Variants in HNRNPU observed in about 807,000 individuals in gnomAD.
HNRNPU encodes the protein HNRNPU antisense RNA 1.
In HNRNPU, 5 loss-of-function variants were observed where a neutral mutation model predicts 94.7. The ratio of observed to expected loss-of-function variants is 0.05; its 90% CI spans 0.03 to 0.11. HNRNPU has a LOEUF of 0.11. HNRNPU is among the 10% of genes least tolerant of loss of function. The probability of loss-of-function intolerance (pLI) is 1.00; values close to 1 mark genes in which losing one functional copy is unlikely to be tolerated. For synonymous variants in HNRNPU, 434 were observed against 381.6 expected (o/e 1.14, Z -1.60); for missense variants, 710 against 1,049.2 (o/e 0.68, Z 4.47).
chr1:244,854,819 G>A, intron 13 of HNRNPU, 154 bp downstream of exon 13: 1 of 585,870 alleles, frequency 1.7e-6, no homozygotes, highest in Non-Finnish European at 2.9e-6. Context: ...CCTTCAAAAG[G>A]TAGATTATGG....
chr1:244,855,576 C>T lies in HNRNPU; in HGVS notation c.2200G>A (p.Gly734Ser), dbSNP rs1415120016. 1 of 1,613,638 alleles carries T rather than the reference C, an allele frequency of 6.2e-7. No homozygotes were observed. Among genetic ancestry groups the T allele is most frequent in the African/African-American group, 1.3e-5 (1 of 74,806 alleles). The change falls in exon 12 of 14, where the codon GGC (glycine) becomes AGC (serine). Residue 734 changes from glycine (G) to serine (S), a missense_variant. By Grantham distance (56) the Gly-to-Ser change is moderately conservative (BLOSUM62 0). Transcript: ENST00000640218. ...CCACCACCTCTCTGTGGCATGTTGC[C>T]CCTCCTATTATATCCGCCACGATTC... ...PGNRGGYNRR[G>S]NMPQRGGGGG... is the part of the protein sequence containing the mutation.
At chr1:244,859,680 G>A (rs1680775534) in intron 4 of HNRNPU, 2 of 198,346 alleles carry the variant, frequency 1.0e-5, no homozygotes, top group Non-Finnish European at 2.0e-5. Context: ...ACCAACAAAA[G>A]CAGTAATGTA....
In HNRNPU at chr1:244,851,800, G is replaced by C. The variant is rs1680556220; in HGVS notation, c.*2650C>G. ...AAAGGCTGTATGTGAGTATATGAGG[G>C]AAAACTTTCCACATAATTTTACATC... On this transcript the variant is annotated 3_prime_UTR_variant, in exon 14 of 14. Coordinates refer to ENST00000640218, the MANE Select transcript of HNRNPU (RefSeq NM_031844.3). The C allele has an allele frequency of 6.6e-6, 1 of 152,164 alleles. No individual in the cohort carries two copies. The highest frequency in any genetic ancestry group is 2.1e-4 in the South Asian group (1 of 4,828). The allele number at this position is 152,164 out of a possible 1,614,324, so 9.4% of individuals were successfully genotyped here.
At chr1:244,856,323 T>C (rs550669730) in intron 10 of HNRNPU, 134 bp downstream of exon 10, 4 of 1,171,606 alleles carry the variant, frequency 3.4e-6, no homozygotes, top group East Asian at 4.7e-5. Context: ...TGAAGCAGTA[T>C]TGCTGGAAAA....
intron 3 of HNRNPU, 48 bp downstream of exon 3, chr1:244,862,413 A>AAC (rs1553283375): frequency 7.6e-7 from 1 of 1,308,634 alleles, no homozygotes; most frequent in South Asian, 1.3e-5. Flanking sequence ...AAAAAAAAAA[A>AAC]ACCACCATCA....
Position 244,854,427 on chromosome 1 carries a change from A to C in HNRNPU, c.*23T>G, listed in dbSNP as rs1232662532. On this transcript the variant is annotated 3_prime_UTR_variant, in exon 14 of 14. Transcript: ENST00000640218. ...TTGTGAAGGTTTTGGAGAAATATGTATCAGTTCGTTTTATTTGGGTATTCA... is the reference window on the plus strand; with the variant it reads ...TTGTGAAGGTTTTGGAGAAATATGTCTCAGTTCGTTTTATTTGGGTATTCA... 1 of 1,478,976 alleles carries C rather than the reference A, an allele frequency of 6.8e-7. No individual in the cohort carries two copies. Among genetic ancestry groups the C allele is most frequent in the Non-Finnish European group, 9.4e-7 (1 of 1,058,394 alleles). The allele number at this position is 1,478,976 out of a possible 1,614,324, so 91.6% of individuals were successfully genotyped here. A position where few individuals can be genotyped will look rare whatever the true frequency, so the allele number is the denominator to read the frequency against.
chr1:244,863,420 A>ACACGCGCG (rs555181156), intron 1 of HNRNPU, among the ~76,000 whole-genome samples, 197 bp downstream of exon 1: 2 of 138,796 alleles, frequency 1.4e-5, no homozygotes, highest in African/African-American at 5.6e-5. Context: ...ACACACACAC[A>ACACGCGCG]CGCGCGCGCG....
In HNRNPU at chr1:244,864,473, C is replaced by A; in HGVS notation, c.-166G>T. On this transcript the variant is annotated 5_prime_UTR_variant, in exon 1 of 14. Coordinates refer to ENST00000640218, the MANE Select transcript of HNRNPU (RefSeq NM_031844.3). Reference sequence around the variant, plus strand: ...GGATCCGCCTGGTGTCGAACGGCGCCAATTCCTTTCACCGAGTTCGCGAGG... The same window carrying A: ...GGATCCGCCTGGTGTCGAACGGCGCAAATTCCTTTCACCGAGTTCGCGAGG... 1.7e-6 allele frequency: 2 copies of A among 1,188,968 alleles called. No individual in the cohort carries two copies. Among genetic ancestry groups the A allele is most frequent in the Non-Finnish European group, 2.3e-6 (2 of 871,456 alleles). The allele number at this position is 1,188,968 out of a possible 1,614,324, so 73.7% of individuals were successfully genotyped here.
intron 8 of HNRNPU, chr1:244,857,261 T>TTC: frequency 4.5e-6 from 1 of 221,598 alleles, no homozygotes; most frequent in Non-Finnish European, 8.7e-6. Flanking sequence ...TTTTTTTTTT[T>TTC]CTGAGACGGA....
At position 244,850,786 on chromosome 1, in the gene HNRNPU, A is replaced by C. The variant is rs187647282; in HGVS notation, c.*3664T>G. The C allele has an allele frequency of 6.6e-6, 1 of 152,306 alleles. No homozygotes were observed. Among genetic ancestry groups the C allele is most frequent in the Admixed American group, 6.5e-5 (1 of 15,302 alleles). 9.4% of individuals were successfully genotyped at this position (152,306 alleles called of 1,614,324 possible). ...AACCCAATTATTCACCAAACTCTGA[A>C]CACCTCAACCTCAGAGCTCCAGAAT... On this transcript the variant is annotated 3_prime_UTR_variant, in exon 14 of 14. Transcript: ENST00000640218.
chr1:244,860,245 G>A (rs1478034235), intron 4 of HNRNPU, 90 bp downstream of exon 4: 5 of 1,118,364 alleles, frequency 4.5e-6, no homozygotes, highest in African/African-American at 1.6e-5. Flanking sequence ...AGGTTGCAGT[G>A]AGCCTAGGTC....
intron 4 of HNRNPU, chr1:244,860,111 C>A: frequency 2.3e-6 from 1 of 426,678 alleles, no homozygotes; most frequent in East Asian, 3.8e-5. Context: ...ACCAGCCTGG[C>A]CTACGTGGTG....
rs777098959 is a variant in HNRNPU, at chr1:244,856,551, A to C, written c.1818T>G (p.Val606=). Residue 606 remains valine (V), a synonymous_variant, in exon 10 of 14, where the codon GTT becomes GTG. Transcript: ENST00000640218. The part of the protein sequence containing the change: ...FAGFQRKAVV[V]CPKDEDYKQR... The stretch of plus-strand genomic sequence containing the variant: ...GCTTATAGTCTTCATCTTTTGGGCA[A>C]ACTACAACAGCTTTTCGCTGGAAGC... The C allele has an allele frequency of 6.2e-7, 1 of 1,614,078 alleles. No homozygotes were observed. Among genetic ancestry groups the C allele is most frequent in the Non-Finnish European group, 8.5e-7 (1 of 1,179,998 alleles).
At chr1:244,863,004 G>C (rs575220851) in intron 1 of HNRNPU, 25 of 432,574 alleles carry the variant, frequency 5.8e-5, no homozygotes, top group South Asian at 2.8e-4. Flanking sequence ...CGTGTATCCC[G>C]AAGAGAGCGC....
chr1:244,857,082 G>A (rs971012656), intron 8 of HNRNPU: 35 of 390,858 alleles, frequency 9.0e-5, no homozygotes, highest in African/African-American at 1.3e-4. Context: ...AAAACACTAC[G>A]GAAAAAAACA....
chr1:244,856,268 C>A, intron 10 of HNRNPU, 110 bp from the exon 11 acceptor site: 1 of 1,252,242 alleles, frequency 8.0e-7, no homozygotes, highest in South Asian at 1.5e-5. Context: ...AAAATAAAAA[C>A]AGACCAAACA....
chr1:244,860,635 TCCCA>T (rs1680801725), intron 3 of HNRNPU, 161 bp from the exon 4 acceptor site: 2 of 609,796 alleles, frequency 3.3e-6, no homozygotes, highest in Admixed American at 3.2e-5. Flanking sequence ...AAAGCCCCAC[TCCCA>T]CCAAGTCACT....
chr1:244,854,290 AAAAAG>A lies in HNRNPU; in HGVS notation c.*155_*159del, dbSNP rs1463050874. On this transcript the variant is annotated 3_prime_UTR_variant, in exon 14 of 14. Transcript: ENST00000640218. ...TTTAAACTGCAATTAAAAATGTACAAAAAAGAAAAGAAAAAAAATCAACCCACAAA... is the reference window on the plus strand; with the variant it reads ...TTTAAACTGCAATTAAAAATGTACAAAAAAGAAAAAAAATCAACCCACAAA... 3.1e-6 allele frequency: 2 copies of A among 640,682 alleles called. No individual in the cohort carries two copies. The highest frequency in any genetic ancestry group is 2.8e-6 in the Non-Finnish European group (1 of 357,708). 39.7% of individuals were successfully genotyped at this position (640,682 alleles called of 1,614,324 possible).
Position 244,854,915 on chromosome 1 carries a change from A to G in HNRNPU, c.2424+58T>C, listed in dbSNP as rs1181080694. ...GAACAAGATCTTTTTCAAGACTGAT[A>G]AATCTTAGGAACTCAAAATACAATT... is the stretch of plus-strand genomic sequence containing the variant. On this transcript the variant is annotated intron_variant, in intron 13 of 13. Transcript: ENST00000640218. 6.1e-6 allele frequency: 8 copies of G among 1,305,886 alleles called. No homozygotes were observed. In the East Asian group the frequency reaches 1.8e-4, roughly 30 times the overall value. The allele number at this position is 1,305,886 out of a possible 1,614,324, so 80.9% of individuals were successfully genotyped here.
Sources: gnomAD v4.1 joint callset for allele counts (sites outside exome capture counted in the v4.1 genomes callset) on GRCh38, gnomAD v4.1.1 for gene constraint, MANE v1.5 for transcripts, NCBI Gene and HGNC (gene_info 2026-07-23, HGNC 2026-07-21) for gene names.